RTCB: variants seen among roughly 807,000 people sequenced by gnomAD.
RTCB encodes RNA-splicing ligase RTCB.
RTCB carries 32 observed loss-of-function variants against 58.2 expected under a neutral mutation model. That is an observed-to-expected ratio of 0.55 (90% confidence interval 0.41 to 0.74). The LOEUF (loss-of-function observed/expected upper bound fraction) is 0.74. Among genes scored for constraint, RTCB ranks in the 30% least tolerant of loss-of-function variants. The probability of loss-of-function intolerance (pLI) is 0.00; values close to 1 mark genes in which losing one functional copy is unlikely to be tolerated. For missense variants in RTCB, 523 were observed against 639.0 expected (o/e 0.82, Z 1.96); for synonymous variants, 247 against 218.6 (o/e 1.13, Z -1.15).
rs568533831 is a variant in RTCB at position 32,400,173 on chromosome 22, G to A, written c.498-414C>T. Among the ~76,000 whole-genome samples, 19 of 152,198 alleles carry A rather than the reference G, an allele frequency of 1.2e-4. No individual in the cohort carries two copies. The East Asian group carries it at 1.7e-3, about 14-fold the overall frequency. On this transcript the variant is annotated intron_variant, in intron 5 of 11. Coordinates refer to ENST00000216038, the MANE Select transcript of RTCB (RefSeq NM_014306.5). ...CACTCTCTAACGACTAATTCAACCA[G>A]GTACACACCTTAATCATTTATGAAT...
At chr22:32,410,313 A>C (rs1039675233) in intron 1 of RTCB, among the ~76,000 whole-genome samples, 1 of 152,168 alleles carries the variant, frequency 6.6e-6, no homozygotes, top group Non-Finnish European at 1.5e-5. Flanking sequence ...AACATCTAGG[A>C]ACTAAACGCA....
Position 32,393,949 on chromosome 22 carries a change from A to C in RTCB, c.1233T>G (p.Val411=). 1 of 1,614,200 alleles carries C rather than the reference A, an allele frequency of 6.2e-7. No homozygotes were observed. Among genetic ancestry groups the C allele is most frequent in the Non-Finnish European group, 8.5e-7 (1 of 1,180,018 alleles). ...TCATGCCCTGTTCAGTGCCAGTAAGAACATAACTACAGGTTCCCATGGTGC... is the reference window on the plus strand; with the variant it reads ...TCATGCCCTGTTCAGTGCCAGTAAGCACATAACTACAGGTTCCCATGGTGC... ...IGGTMGTCSY[V]LTGTEQGMTE... Residue 411 remains valine, a synonymous_variant, in exon 10 of 12, where the codon GTT becomes GTG. Transcript: ENST00000216038.
chr22:32,398,166 A>T, intron 6 of RTCB, 66 bp from the exon 7 acceptor site: 1 of 1,540,874 alleles, frequency 6.5e-7, no homozygotes, highest in Non-Finnish European at 8.8e-7. Flanking sequence ...CTATTTAAAA[A>T]CCAAAAAGAT....
intron 6 of RTCB, among the ~76,000 whole-genome samples, chr22:32,398,453 G>A (rs994462025): frequency 3.3e-5 from 5 of 152,176 alleles, no homozygotes; most frequent in East Asian, 1.9e-4. Flanking sequence ...AGAGCCTGTC[G>A]AGGAGTGGGA....
chr22:32,394,939 C>T, intron 9 of RTCB, 87 bp downstream of exon 9: 1 of 1,182,216 alleles, frequency 8.5e-7, no homozygotes, highest in Non-Finnish European at 1.2e-6. Flanking sequence ...TTCACAATTG[C>T]TGCTTTTCGT....
rs1933274900 is a variant in RTCB, at chr22:32,398,032, A to G, written c.723T>C (p.Tyr241=). 6.2e-7 allele frequency: 1 copy of G among 1,614,056 alleles called. No individual in the cohort carries two copies. Among genetic ancestry groups the G allele is most frequent in the Non-Finnish European group, 8.5e-7 (1 of 1,180,042 alleles). The change falls in exon 7 of 12, where the codon TAT becomes TAC. Residue 241 remains tyrosine, a synonymous_variant. Transcript: ENST00000216038. ...IQVVDEIFNE[Y]AAKKMGIDHK... ...GGTCGATGCCCATTTTTTTAGCAGC[A>G]TACTCATTGAAAATCTCATCCACAA... is the stretch of plus-strand genomic sequence containing the variant.
Position 32,412,215 on chromosome 22 carries a change from G to C in RTCB, c.-59C>G, listed in dbSNP as rs537230814. Reference sequence around the variant, plus strand: ...CGCTTTGAAGAGCCGCTGCCGCGTAGTCCGGCTTCTCAGAGCACCGCCTTC... The same window carrying C: ...CGCTTTGAAGAGCCGCTGCCGCGTACTCCGGCTTCTCAGAGCACCGCCTTC... On this transcript the variant is annotated 5_prime_UTR_variant, in exon 1 of 12. Transcript: ENST00000216038. 7.0e-6 allele frequency: 10 copies of C among 1,425,928 alleles called. No homozygotes were observed. In the South Asian group the frequency reaches 9.9e-5, roughly 14 times the overall value. 88.3% of individuals were successfully genotyped at this position (1,425,928 alleles called of 1,614,324 possible). A position where few individuals can be genotyped will look rare whatever the true frequency, so the allele number is the denominator to read the frequency against.
chr22:32,393,608 C>G (rs746734159), intron 10 of RTCB, among the ~76,000 whole-genome samples: 5 of 152,330 alleles, frequency 3.3e-5, no homozygotes, highest in South Asian at 2.1e-4. Context: ...ATAAACCAGA[C>G]AGTAAGCTCA....
At chr22:32,411,981 G>A (rs1001580261) in intron 1 of RTCB, 83 bp downstream of exon 1, 1 of 1,012,986 alleles carries the variant, frequency 9.9e-7, no homozygotes, top group Non-Finnish European at 1.5e-6. Context: ...CCAGTGGTCA[G>A]GGGAGGTCCA....
At chr22:32,411,936 G>C in intron 1 of RTCB, 128 bp downstream of exon 1, 1 of 671,298 alleles carries the variant, frequency 1.5e-6, no homozygotes, top group Non-Finnish European at 2.5e-6. Context: ...GAGAAGGACG[G>C]GATGAGGGAA....
At chr22:32,396,738 A>G (rs1461813055) in intron 7 of RTCB, among the ~76,000 whole-genome samples, 1 of 152,212 alleles carries the variant, frequency 6.6e-6, no homozygotes, top group Non-Finnish European at 1.5e-5. Context: ...TTCTCACACA[A>G]TAAAATGGAC....
chr22:32,406,399 T>C (rs1933420766), intron 4 of RTCB, among the ~76,000 whole-genome samples: 1 of 152,064 alleles, frequency 6.6e-6, no homozygotes. Context: ...CTCGGCTCAC[T>C]GCAACCTCCG....
chr22:32,389,037 G>A (rs1933107524), intron 11 of RTCB, among the ~76,000 whole-genome samples: 1 of 152,170 alleles, frequency 6.6e-6, no homozygotes, highest in African/African-American at 2.4e-5. Flanking sequence ...TGGGACAGGT[G>A]TGCTCCTGGC....
intron 4 of RTCB, among the ~76,000 whole-genome samples, chr22:32,404,121 T>C (rs1336209702): frequency 6.6e-6 from 1 of 152,196 alleles, no homozygotes; most frequent in African/African-American, 2.4e-5. Flanking sequence ...ACAATGAACA[T>C]GGGAGGGCAG....
At chr22:32,406,863 T>C (rs1207237463) in intron 3 of RTCB, 102 bp from the exon 4 acceptor site, 12 of 724,738 alleles carry the variant, frequency 1.7e-5, no homozygotes, top group African/African-American at 1.4e-4. Flanking sequence ...AGGCTGAAGC[T>C]TTCCCTAAAT....
chr22:32,390,389 GTAAT>G (rs1351200158), intron 11 of RTCB, among the ~76,000 whole-genome samples: 2 of 151,736 alleles, frequency 1.3e-5, no homozygotes, highest in Non-Finnish European at 2.9e-5. Context: ...AATTTTAACT[GTAAT>G]TATTTCTGGC....
intron 1 of RTCB, among the ~76,000 whole-genome samples, chr22:32,410,499 G>T (rs920167006): frequency 3.3e-5 from 5 of 152,140 alleles, no homozygotes; most frequent in African/African-American, 1.2e-4. Context: ...CGTTTTAAGA[G>T]CAATGCATTA....
intron 5 of RTCB, among the ~76,000 whole-genome samples, chr22:32,400,575 T>G (rs145776241): frequency 5.6e-4 from 85 of 152,324 alleles, no homozygotes; most frequent in African/African-American, 1.9e-3. Flanking sequence ...CTATCTAAAA[T>G]GTTTATAAAG....
At chr22:32,390,219 C>T (rs1284210661) in intron 11 of RTCB, among the ~76,000 whole-genome samples, 1 of 152,178 alleles carries the variant, frequency 6.6e-6, no homozygotes, top group East Asian at 1.9e-4. Flanking sequence ...AGCTCCACAA[C>T]GAAGGGACTC....
Sources: allele counts gnomAD v4.1 joint callset (sites outside exome capture counted in the v4.1 genomes callset), GRCh38; gene constraint gnomAD v4.1.1; transcripts MANE v1.5; gene names NCBI Gene and HGNC (gene_info 2026-07-23, HGNC 2026-07-21).